The following FRMD4B variants were observed in gnomAD, a reference collection of about 807,000 sequenced individuals.
FRMD4B encodes the protein FERM domain-containing protein 4B.
FRMD4B carries 74 observed loss-of-function variants against 141.5 expected under a neutral mutation model. The observed-to-expected ratio is 0.52, with a 90% CI of 0.43 to 0.63. FRMD4B has a LOEUF of 0.63. Ranked by LOEUF, FRMD4B falls within the 30% of genes least tolerant of loss-of-function variation. The pLI, the probability that FRMD4B is intolerant of heterozygous loss-of-function variation, is 0.00. For missense variants in FRMD4B, 1,366 were observed against 1,253.4 expected, an observed-to-expected ratio of 1.09 and a Z score of -1.36; for synonymous variants, 506 against 467.9, an observed-to-expected ratio of 1.08 and a Z score of -1.05.
Position 69,187,840 on chromosome 3 carries a change from G to A in FRMD4B, c.1849C>T (p.Leu617Phe). ...CTGAAATGGATTCGCTCAATACCAA[G>A]AGACTTGGGGGGAAGAATTCTTGGA... ...HSPRILPPKS[L>F]GIERIHFRKS... Residue 617 changes from leucine (L) to phenylalanine (F), a missense_variant, in exon 19 of 23, where the codon CTT (leucine) becomes TTT (phenylalanine). Leu to Phe is a conservative substitution (Grantham distance 22). Coordinates refer to ENST00000398540, the MANE Select transcript of FRMD4B (RefSeq NM_015123.3). The A allele has an allele frequency of 1.2e-6, 2 of 1,611,940 alleles. No homozygotes were observed. The highest frequency in any genetic ancestry group is 1.7e-6 in the Non-Finnish European group (2 of 1,178,474).
intron 11 of FRMD4B, among the ~76,000 whole-genome samples, chr3:69,214,730 C>T (rs2093121857): frequency 6.6e-6 from 1 of 152,042 alleles, no homozygotes. Flanking sequence ...GGCATGGTAG[C>T]ATGTGTCTGT....
At chr3:69,245,830 A>ATT (rs1559749065) in intron 7 of FRMD4B, among the ~76,000 whole-genome samples, 3 of 103,216 alleles carry the variant, frequency 2.9e-5, no homozygotes, top group Admixed American at 9.8e-5. Context: ...TGCCAGGCTA[A>ATT]TTTGTTTTTT....
At chr3:69,523,861 C>A (rs557054149) in intron 1 of FRMD4B, among the ~76,000 whole-genome samples, 1 of 152,098 alleles carries the variant, frequency 6.6e-6, no homozygotes, top group Admixed American at 6.5e-5. Flanking sequence ...GCAGTTGGTT[C>A]CCTTACCTTC....
chr3:69,532,171 G>A (rs368478641), intron 1 of FRMD4B, among the ~76,000 whole-genome samples: 2 of 152,210 alleles, frequency 1.3e-5, no homozygotes, highest in South Asian at 4.1e-4. Context: ...TAGTTCATTC[G>A]TGATGGCCCC....
chr3:69,303,808 C>A (rs969634820), intron 3 of FRMD4B, among the ~76,000 whole-genome samples: 2 of 152,080 alleles, frequency 1.3e-5, no homozygotes, highest in Non-Finnish European at 2.9e-5. Flanking sequence ...GTGGTGCATG[C>A]CTGTTGTCCC....
intron 1 of FRMD4B, among the ~76,000 whole-genome samples, chr3:69,469,742 C>T (rs570362661): frequency 6.6e-6 from 1 of 152,134 alleles, no homozygotes; most frequent in Non-Finnish European, 1.5e-5. Flanking sequence ...GCTAAGAGCA[C>T]AGTATTCTAC....
chr3:69,315,658 C>T (rs55728052), intron 1 of FRMD4B, among the ~76,000 whole-genome samples: 40,990 of 152,128 alleles, frequency 0.27, 6,235 homozygotes, highest in African/African-American at 0.41. Flanking sequence ...AGATGGACCT[C>T]ATTCTTTTTA....
intron 2 of FRMD4B, among the ~76,000 whole-genome samples, chr3:69,418,523 A>G (rs1481585035): frequency 6.6e-6 from 1 of 152,214 alleles, no homozygotes; most frequent in Non-Finnish European, 1.5e-5. Context: ...CAATGACTCC[A>G]TCTTAGCAGA....
chr3:69,538,751 A>T (rs551328628), intron 1 of FRMD4B, among the ~76,000 whole-genome samples: 15 of 152,230 alleles, frequency 9.9e-5, no homozygotes, highest in Non-Finnish European at 1.9e-4. Flanking sequence ...GGGTTTATCA[A>T]GCATCTAGCA....
At chr3:69,350,986 TA>T (rs944297986) in intron 1 of FRMD4B, among the ~76,000 whole-genome samples, 6 of 151,158 alleles carry the variant, frequency 4.0e-5, no homozygotes, top group African/African-American at 1.5e-4. Context: ...ATAATAATAA[TA>T]AAAAAAGAAA....
chr3:69,463,034 T>A (rs1705729737), intron 1 of FRMD4B, among the ~76,000 whole-genome samples: 1 of 152,216 alleles, frequency 6.6e-6, no homozygotes, highest in African/African-American at 2.4e-5. Flanking sequence ...CACTCCCCAA[T>A]AAAGTGCTAG....
Position 69,170,619 on chromosome 3 carries a change from A to T in FRMD4B, c.*1242T>A, listed in dbSNP as rs1400887067. On this transcript the variant is annotated 3_prime_UTR_variant, in exon 23 of 23. Transcript: ENST00000398540. The stretch of plus-strand genomic sequence containing the variant: ...AAGAAGGGGGAAAGGAGCACCTTTT[A>T]TGTAATTTTGAAGCAAAGATGACAA... 1 of 152,204 alleles carries T rather than the reference A, an allele frequency of 6.6e-6. No individual in the cohort carries two copies. Among genetic ancestry groups the T allele is most frequent in the Non-Finnish European group, 1.5e-5 (1 of 68,038 alleles). 9.4% of individuals were successfully genotyped at this position (152,204 alleles called of 1,614,324 possible).
chr3:69,223,617 T>C lies in FRMD4B; in HGVS notation c.665+990A>G, dbSNP rs190502432. ...ATTTTGGGAGGTCAAGGCGGGTAGA[T>C]TGCCTGAGGGCAGGAGTTTGAGACC... On this transcript the variant is annotated intron_variant, in intron 8 of 22. Coordinates refer to ENST00000398540, the MANE Select transcript of FRMD4B (RefSeq NM_015123.3). 5.5e-3 allele frequency among the ~76,000 whole-genome samples: 844 copies of C among 152,146 alleles called. 3 individuals are homozygous for C. The highest frequency in any genetic ancestry group is 0.044 in the Middle Eastern group (13 of 294).
At chr3:69,425,219 T>A (rs1705056149) in intron 2 of FRMD4B, among the ~76,000 whole-genome samples, 1 of 152,208 alleles carries the variant, frequency 6.6e-6, no homozygotes, top group Non-Finnish European at 1.5e-5. Context: ...AGTAAATTCA[T>A]TTCAACACTG....
At chr3:69,536,247 C>T (rs922455815) in intron 1 of FRMD4B, 1 of 608,274 alleles carries the variant, frequency 1.6e-6, no homozygotes, top group Non-Finnish European at 3.0e-6. Context: ...TTCCCCTTGG[C>T]CTTTTCCGCT....
intron 1 of FRMD4B, among the ~76,000 whole-genome samples, chr3:69,518,461 C>T (rs1700799856): frequency 6.6e-6 from 1 of 151,970 alleles, no homozygotes. Context: ...AAGTATACTG[C>T]CAATTATAAT....
intron 5 of FRMD4B, among the ~76,000 whole-genome samples, chr3:69,279,193 C>G (rs1168777613): frequency 6.6e-6 from 1 of 152,146 alleles, no homozygotes; most frequent in East Asian, 1.9e-4. Context: ...TAATGCAGCA[C>G]TCATCACAGA....
intron 2 of FRMD4B, among the ~76,000 whole-genome samples, chr3:69,429,713 T>C (rs1705145211): frequency 6.7e-6 from 1 of 150,314 alleles, no homozygotes; most frequent in Non-Finnish European, 1.5e-5. Context: ...TTTGAGGGCA[T>C]CAGAATCCTC....
At chr3:69,383,069 C>A (rs750790755) in intron 1 of FRMD4B, among the ~76,000 whole-genome samples, 1 of 83,292 alleles carries the variant, frequency 1.2e-5, no homozygotes, top group Non-Finnish European at 2.7e-5. Flanking sequence ...AGGCAGCGTG[C>A]TAAATATCTC....
Sources: gnomAD v4.1 joint callset for allele counts (sites outside exome capture counted in the v4.1 genomes callset) on GRCh38, gnomAD v4.1.1 for gene constraint, MANE v1.5 for transcripts, NCBI Gene and HGNC (gene_info 2026-07-23, HGNC 2026-07-21) for gene names.